The following RAP2A variants were observed in gnomAD, a reference collection of about 807,000 sequenced individuals.
RAP2A encodes the protein ras-related protein Rap-2a.
RAP2A carries 5 observed loss-of-function variants against 15.1 expected under a neutral mutation model. That is an observed-to-expected ratio of 0.33 (90% CI 0.17 to 0.70). The LOEUF is 0.70. Among genes scored for constraint, RAP2A ranks in the 30% least tolerant of loss-of-function variants. The pLI, the probability that RAP2A is intolerant of heterozygous loss-of-function variation, is 0.68. For synonymous variants in RAP2A, 110 were observed against 99.7 expected, an observed-to-expected ratio of 1.10 and a Z score of -0.62; for missense variants, 111 against 240.3, an observed-to-expected ratio of 0.46 and a Z score of 3.56.
intron 1 of RAP2A, among the ~76,000 whole-genome samples, chr13:97,436,368 A>G (rs1350269552): frequency 1.3e-5 from 2 of 152,106 alleles, no homozygotes; most frequent in African/African-American, 4.8e-5. Flanking sequence ...AACAAACCAA[A>G]CCAACTGCAG....
intron 1 of RAP2A, among the ~76,000 whole-genome samples, chr13:97,463,826 GTTTA>G (rs571884395): frequency 6.0e-4 from 91 of 152,080 alleles, no homozygotes; most frequent in African/African-American, 2.1e-3. Flanking sequence ...TAAGTTGTTT[GTTTA>G]CTCATTGTAG....
Position 97,464,505 on chromosome 13 carries a change from T to G in RAP2A, c.*63T>G. ...TGTCGTAGGTGATAGAAAACTCGCC[T>G]ACTCCACTGCAGAACTTGCAGAATG... is the stretch of plus-strand genomic sequence containing the variant. On this transcript the variant is annotated 3_prime_UTR_variant, in exon 2 of 2. Transcript: ENST00000245304. 1 of 1,462,210 alleles carries G rather than the reference T, an allele frequency of 6.8e-7. No individual in the cohort carries two copies. Among genetic ancestry groups the G allele is most frequent in the South Asian group, 1.2e-5 (1 of 86,530 alleles). The allele number at this position is 1,462,210 out of a possible 1,614,324, so 90.6% of individuals were successfully genotyped here. A position where few individuals can be genotyped will look rare whatever the true frequency, so the allele number is the denominator to read the frequency against.
intron 1 of RAP2A, 105 bp downstream of exon 1, chr13:97,434,889 G>A: frequency 1.4e-6 from 2 of 1,459,216 alleles, no homozygotes; most frequent in Non-Finnish European, 1.8e-6. Flanking sequence ...CTGGGGGGTG[G>A]CTCCAAGCTG....
In RAP2A at chr13:97,434,441, G is replaced by T. The variant is rs751113354; in HGVS notation, c.-30G>T. The T allele has an allele frequency of 2.6e-6, 4 of 1,545,704 alleles. No individual in the cohort carries two copies. The highest frequency in any genetic ancestry group is 2.3e-5 in the East Asian group (1 of 43,196). The stretch of plus-strand genomic sequence containing the variant: ...GCCGGCGTAGGTCTATGTCGCGGGC[G>T]GCGGCGGCGGCGGCGGCCGCGGAGG... On this transcript the variant is annotated 5_prime_UTR_variant, in exon 1 of 2. Transcript: ENST00000245304.
intron 1 of RAP2A, among the ~76,000 whole-genome samples, chr13:97,460,151 G>A (rs759750270): frequency 2.0e-5 from 3 of 152,156 alleles, no homozygotes; most frequent in Non-Finnish European, 4.4e-5. Context: ...TAGTGGCTCC[G>A]CTTGTAGAAG....
In RAP2A at chr13:97,450,551, G is replaced by A. The variant is rs192814164; in HGVS notation, c.315-13654G>A. Among the ~76,000 whole-genome samples, 114 of 151,750 alleles carry A rather than the reference G, an allele frequency of 7.5e-4. 2 individuals carry two copies. The Middle Eastern group carries it at 0.024, about 32-fold the overall frequency. ...ATGCTTTGTTGACAGATTTTTAAAT[G>A]ACATATTTTTTATTAAAATGTACAC... On this transcript the variant is annotated intron_variant, in intron 1 of 1. Coordinates refer to ENST00000245304, the MANE Select transcript of RAP2A (RefSeq NM_021033.7).
intron 1 of RAP2A, 74 bp from the exon 2 acceptor site, chr13:97,464,131 C>T (rs930633908): frequency 5.1e-5 from 75 of 1,470,590 alleles, no homozygotes; most frequent in African/African-American, 8.4e-5. Context: ...CCCCCAAAAA[C>T]GAAAATACAC....
chr13:97,436,187 A>C (rs1006335507), intron 1 of RAP2A: 1 of 152,200 alleles, frequency 6.6e-6, no homozygotes, highest in African/African-American at 2.4e-5. Context: ...TAAGATTTGT[A>C]AATTTGATAG....
At chr13:97,463,759 T>C (rs1474407320) in intron 1 of RAP2A, among the ~76,000 whole-genome samples, 1 of 152,198 alleles carries the variant, frequency 6.6e-6, no homozygotes, top group Admixed American at 6.6e-5. Context: ...CCAGCTGATT[T>C]TTGTATGAAC....
Position 97,467,543 on chromosome 13 carries a change from CTTTGT to C in RAP2A, c.*3109_*3113del, listed in dbSNP as rs1215524790. On this transcript the variant is annotated 3_prime_UTR_variant, in exon 2 of 2. Transcript: ENST00000245304. ...CAGTGTATGTATGAATATGAAAGTG[CTTTGT>C]TTTGTTTGTTGCTGTTTTTTGTTTA... 4 of 152,552 alleles carry C rather than the reference CTTTGT, an allele frequency of 2.6e-5. No individual in the cohort carries two copies. Among genetic ancestry groups the C allele is most frequent in the East Asian group, 1.9e-4 (1 of 5,182 alleles). The allele number at this position is 152,552 out of a possible 1,614,324, so 9.4% of individuals were successfully genotyped here. A position where few individuals can be genotyped will look rare whatever the true frequency, so the allele number is the denominator to read the frequency against.
Position 97,466,848 on chromosome 13 carries a change from A to G in RAP2A, c.*2406A>G, listed in dbSNP as rs927533809. ...CTGCATATTTAGTGACCAAGGCATC[A>G]AGGACATCCCGAAACTGGAAATTCA... On this transcript the variant is annotated 3_prime_UTR_variant, in exon 2 of 2. Coordinates refer to ENST00000245304, the MANE Select transcript of RAP2A (RefSeq NM_021033.7). 5.3e-5 allele frequency: 8 copies of G among 152,206 alleles called. No individual in the cohort carries two copies. The highest frequency in any genetic ancestry group is 1.0e-4 in the Non-Finnish European group (7 of 68,026). The allele number at this position is 152,206 out of a possible 1,614,324, so 9.4% of individuals were successfully genotyped here. A position where few individuals can be genotyped will look rare whatever the true frequency, so the allele number is the denominator to read the frequency against.
In RAP2A at chr13:97,465,791, A is replaced by G. The variant is rs2139044380; in HGVS notation, c.*1349A>G. On this transcript the variant is annotated 3_prime_UTR_variant, in exon 2 of 2. Transcript: ENST00000245304. The stretch of plus-strand genomic sequence containing the variant: ...CTAATGGCACAGGAAAAACCTATTC[A>G]TAAGTTTTACAATCAAGTATAGAGG... 1 of 152,344 alleles carries G rather than the reference A, an allele frequency of 6.6e-6. No homozygotes were observed. The highest frequency in any genetic ancestry group is 1.9e-4 in the East Asian group (1 of 5,184). The allele number at this position is 152,344 out of a possible 1,614,324, so 9.4% of individuals were successfully genotyped here.
In RAP2A at chr13:97,434,204, C is replaced by G. The variant is rs997366330; in HGVS notation, c.-267C>G. The stretch of plus-strand genomic sequence containing the variant: ...CGCGGCTCGGGCGGCACCAGCGGCT[C>G]CCGGTCTCTCTCTCTGCTCGCCCTC... On this transcript the variant is annotated 5_prime_UTR_variant, in exon 1 of 2. Coordinates refer to ENST00000245304, the MANE Select transcript of RAP2A (RefSeq NM_021033.7). 5.4e-5 allele frequency: 8 copies of G among 147,002 alleles called. No homozygotes were observed. Among genetic ancestry groups the G allele is most frequent in the African/African-American group, 1.7e-4 (7 of 40,418 alleles). The allele number at this position is 147,002 out of a possible 1,614,324, so 9.1% of individuals were successfully genotyped here.
Position 97,434,479 on chromosome 13 carries a change from G to T in RAP2A, c.9G>T (p.Glu3Asp). Residue 3 changes from glutamate to aspartate, a missense_variant, in exon 1 of 2, where the codon GAG becomes GAT. Glu to Asp is a conservative substitution (Grantham distance 45). Coordinates refer to ENST00000245304, the MANE Select transcript of RAP2A (RefSeq NM_021033.7). Reference sequence around the variant, plus strand: ...GCGGCCGCGGAGGGACGATGCGCGAGTACAAAGTGGTGGTGCTGGGCTCGG... The same window carrying T: ...GCGGCCGCGGAGGGACGATGCGCGATTACAAAGTGGTGGTGCTGGGCTCGG... MR[E>D]YKVVVLGSGG... The T allele has an allele frequency of 6.2e-7, 1 of 1,604,434 alleles. No individual in the cohort carries two copies. The highest frequency in any genetic ancestry group is 8.5e-7 in the Non-Finnish European group (1 of 1,174,184).
At chr13:97,458,729 T>C (rs867836452) in intron 1 of RAP2A, among the ~76,000 whole-genome samples, 1 of 152,118 alleles carries the variant, frequency 6.6e-6, no homozygotes, top group African/African-American at 2.4e-5. Flanking sequence ...GAATAAAATA[T>C]ATATACGTAT....
chr13:97,462,016 A>G (rs1039704357), intron 1 of RAP2A, among the ~76,000 whole-genome samples: 1 of 145,144 alleles, frequency 6.9e-6, no homozygotes, highest in South Asian at 2.1e-4. Flanking sequence ...ATATATTTAT[A>G]TAGATATTTA....
intron 1 of RAP2A, among the ~76,000 whole-genome samples, chr13:97,436,742 GC>G (rs1274265710): frequency 1.1e-4 from 17 of 152,116 alleles, no homozygotes; most frequent in African/African-American, 2.9e-4. Flanking sequence ...AATTCTGCAT[GC>G]CCAGTATCAT....
intron 1 of RAP2A, among the ~76,000 whole-genome samples, chr13:97,459,793 T>C (rs2066738914): frequency 6.6e-6 from 1 of 152,236 alleles, no homozygotes; most frequent in African/African-American, 2.4e-5. Flanking sequence ...ACACTTTTAT[T>C]GTAAACCCAG....
In RAP2A at chr13:97,434,431, T is replaced by G. The variant is rs777346364; in HGVS notation, c.-40T>G. Reference sequence around the variant, plus strand: ...GCGCAGCGCGGCCGGCGTAGGTCTATGTCGCGGGCGGCGGCGGCGGCGGCG... The same window carrying G: ...GCGCAGCGCGGCCGGCGTAGGTCTAGGTCGCGGGCGGCGGCGGCGGCGGCG... On this transcript the variant is annotated 5_prime_UTR_variant, in exon 1 of 2. It removes an upstream start codon present in the reference 5' UTR. Transcript: ENST00000245304. 1.3e-6 allele frequency: 2 copies of G among 1,537,482 alleles called. No homozygotes were observed. Among genetic ancestry groups the G allele is most frequent in the Non-Finnish European group, 1.8e-6 (2 of 1,142,492 alleles).
Sources: gnomAD v4.1 joint callset for allele counts (sites outside exome capture counted in the v4.1 genomes callset) on GRCh38, gnomAD v4.1.1 for gene constraint, MANE v1.5 for transcripts, NCBI Gene and HGNC (gene_info 2026-07-23, HGNC 2026-07-21) for gene names.